Variants in SPATA13 observed in about 807,000 individuals in gnomAD.
SPATA13 encodes spermatogenesis-associated protein 13.
SPATA13 carries 50 observed loss-of-function variants against 104.0 expected under a neutral mutation model. The observed-to-expected ratio is 0.48, with a 90% CI of 0.38 to 0.61. The LOEUF is 0.61. Among genes scored for constraint, SPATA13 ranks in the 20% least tolerant of loss-of-function variants. The probability of loss-of-function intolerance (pLI) is 0.00; values close to 1 mark genes in which losing one functional copy is unlikely to be tolerated. For missense variants in SPATA13, 1,524 were observed against 1,690.6 expected, an observed-to-expected ratio of 0.90 and a Z score of 1.73; for synonymous variants, 606 against 667.5, an observed-to-expected ratio of 0.91 and a Z score of 1.42.
chr13:24,199,008 G>C (rs1870250233), intron 1 of SPATA13, among the ~76,000 whole-genome samples: 4 of 134,028 alleles, frequency 3.0e-5, no homozygotes, highest in Admixed American at 2.9e-4. Flanking sequence ...GAGTGCAGTG[G>C]TTCATTCTTT....
rs184255281 is a variant in SPATA13 at position 24,305,010 on chromosome 13, T to C, written c.*2237T>C. The C allele has an allele frequency of 1.3e-5, 2 of 152,380 alleles. No individual in the cohort carries two copies. The highest frequency in any genetic ancestry group is 2.4e-5 in the African/African-American group (1 of 41,594). 9.4% of individuals were successfully genotyped at this position (152,380 alleles called of 1,614,324 possible). The stretch of plus-strand genomic sequence containing the variant: ...ACTGTAGGGGTCTCTGCTAGAGTTG[T>C]TTGTATGTACAGCAATTTTGAACAA... On this transcript the variant is annotated 3_prime_UTR_variant, in exon 13 of 13. Transcript: ENST00000382108.
At chr13:24,003,192 G>A (rs986855703) in intron 2 of SPATA13, among the ~76,000 whole-genome samples, 1 of 152,080 alleles carries the variant, frequency 6.6e-6, no homozygotes. Flanking sequence ...TGTGTGTATG[G>A]ATGCTTAGAT....
At chr13:24,039,803 G>C (rs1039138333) in intron 3 of SPATA13, among the ~76,000 whole-genome samples, 3 of 152,194 alleles carry the variant, frequency 2.0e-5, no homozygotes, top group African/African-American at 7.2e-5. Context: ...CTTGGTTTAA[G>C]AACAGCTATC....
In SPATA13 at chr13:24,071,078, C is replaced by T. The variant is rs75728856; in HGVS notation, c.-112+53377C>T. On this transcript the variant is annotated intron_variant, in intron 3 of 14. Transcript: ENST00000424834. ...CCTGGAGAACCATGATGAATGCACT[C>T]ATGGTTCAGGGAGGACTTTAGTATG... Among the ~76,000 whole-genome samples the T allele has an allele frequency of 2.9e-3, 435 of 152,292 alleles. 14 individuals are homozygous for T. In the East Asian group the frequency reaches 0.062, roughly 22 times the overall value.
intron 3 of SPATA13, among the ~76,000 whole-genome samples, chr13:24,025,686 G>A (rs1008398995): frequency 2.6e-5 from 4 of 151,958 alleles, no homozygotes; most frequent in African/African-American, 9.7e-5. Context: ...ATTTTATTAC[G>A]GTTTAAATTT....
At chr13:24,198,142 C>T (rs1870178993) in intron 1 of SPATA13, among the ~76,000 whole-genome samples, 1 of 152,096 alleles carries the variant, frequency 6.6e-6, no homozygotes, top group African/African-American at 2.4e-5. Flanking sequence ...ATTACAGGCG[C>T]CCGCCACCAT....
chr13:24,220,783 C>T (rs766801582), intron 1 of SPATA13, among the ~76,000 whole-genome samples: 2 of 152,158 alleles, frequency 1.3e-5, no homozygotes, highest in Non-Finnish European at 2.9e-5. Context: ...AACTCTTTGA[C>T]CCTTTACCTA....
intron 3 of SPATA13, chr13:24,122,715 A>T (rs4770595): frequency 3.3e-6 from 3 of 913,530 alleles, no homozygotes; most frequent in Non-Finnish European, 5.5e-6. Flanking sequence ...ACGAAGGAGG[A>T]GCATCATATC....
At chr13:24,019,099 T>TA (rs1876849301) in intron 3 of SPATA13, among the ~76,000 whole-genome samples, 2 of 149,014 alleles carry the variant, frequency 1.3e-5, no homozygotes, top group African/African-American at 4.9e-5. Context: ...TATTATTTTT[T>TA]TTTTTTTGAG....
chr13:23,989,846 C>A (rs1383040845), intron 2 of SPATA13, among the ~76,000 whole-genome samples: 1 of 152,132 alleles, frequency 6.6e-6, no homozygotes, highest in Admixed American at 6.5e-5. Flanking sequence ...AGAAAAGAGG[C>A]CCCAGAGAGC....
chr13:24,275,248 G>A (rs1295451822), intron 4 of SPATA13, among the ~76,000 whole-genome samples: 1 of 152,320 alleles, frequency 6.6e-6, no homozygotes, highest in East Asian at 1.9e-4. Context: ...AGGAAAATGA[G>A]ACATTTGTGT....
intron 3 of SPATA13, among the ~76,000 whole-genome samples, chr13:24,250,375 A>G (rs1873413135): frequency 6.6e-6 from 1 of 152,226 alleles, no homozygotes; most frequent in South Asian, 2.1e-4. Context: ...GTTTCTTAGT[A>G]TAGTTTAGTA....
intron 4 of SPATA13, among the ~76,000 whole-genome samples, chr13:24,266,253 T>C (rs1020437927): frequency 7.9e-5 from 12 of 152,156 alleles, no homozygotes; most frequent in Non-Finnish European, 1.8e-4. Context: ...GATCATAACA[T>C]CCTATGTGTT....
chr13:24,256,640 G>T (rs984711264), intron 4 of SPATA13, among the ~76,000 whole-genome samples: 1 of 151,786 alleles, frequency 6.6e-6, no homozygotes, highest in Non-Finnish European at 1.5e-5. Flanking sequence ...ACTTGGCAGC[G>T]CCGTGCTGTG....
intron 3 of SPATA13, among the ~76,000 whole-genome samples, chr13:24,087,173 C>T (rs531186884): frequency 1.4e-4 from 21 of 152,272 alleles, no homozygotes; most frequent in South Asian, 6.2e-4. Flanking sequence ...CTGGCAATGT[C>T]ACCACTCCCA....
At chr13:24,001,367 G>T (rs1368987394) in intron 2 of SPATA13, among the ~76,000 whole-genome samples, 2 of 152,108 alleles carry the variant, frequency 1.3e-5, no homozygotes, top group Non-Finnish European at 2.9e-5. Context: ...GAGGTTGGGG[G>T]AGTGTCTGGG....
chr13:24,059,859 C>T (rs1235022954), intron 3 of SPATA13, among the ~76,000 whole-genome samples: 1 of 152,176 alleles, frequency 6.6e-6, no homozygotes, highest in Non-Finnish European at 1.5e-5. Context: ...CCTGACTGCT[C>T]TGACCAGGAC....
At chr13:24,068,505 T>G (rs991155633) in intron 3 of SPATA13, among the ~76,000 whole-genome samples, 1 of 152,350 alleles carries the variant, frequency 6.6e-6, no homozygotes, top group South Asian at 2.1e-4. Flanking sequence ...GTAATGAAAT[T>G]GCTTTGTCAA....
At chr13:24,128,942 C>G (rs1881308374) in intron 3 of SPATA13, among the ~76,000 whole-genome samples, 1 of 152,156 alleles carries the variant, frequency 6.6e-6, no homozygotes, top group Non-Finnish European at 1.5e-5. Context: ...ATGATTGGTT[C>G]CACTAAAGGC....
Sources: allele counts gnomAD v4.1 joint callset (sites outside exome capture counted in the v4.1 genomes callset), GRCh38; gene constraint gnomAD v4.1.1; transcripts MANE v1.5; gene names NCBI Gene and HGNC (gene_info 2026-07-23, HGNC 2026-07-21).